Variants in GABRG1 observed in about 807,000 individuals in gnomAD.
GABRG1 encodes gamma-aminobutyric acid type A receptor subunit gamma1.
GABRG1 carries 49 observed loss-of-function variants against 49.8 expected under a neutral mutation model. That is an observed-to-expected ratio of 0.98 (90% CI 0.78 to 1.25). The LOEUF (loss-of-function observed/expected upper bound fraction) is 1.25, where lower values mean the gene tolerates loss of function less well. Ranked by LOEUF, GABRG1 falls within the 50% of genes most tolerant of loss-of-function variation. The pLI is 0.00. For synonymous variants in GABRG1, 232 were observed against 185.1 expected (o/e 1.25, Z -2.06); for missense variants, 552 against 552.3 (o/e 1.00, Z 0.01).
chr4:46,096,614 A>T (rs1361509436), intron 2 of GABRG1, among the ~76,000 whole-genome samples: 1 of 151,640 alleles, frequency 6.6e-6, no homozygotes, highest in African/African-American at 2.4e-5. Flanking sequence ...TGTTTTGAAG[A>T]CTGTGTTTTC....
At chr4:46,082,869 C>CT (rs1560363561) in intron 3 of GABRG1, among the ~76,000 whole-genome samples, 4 of 151,762 alleles carry the variant, frequency 2.6e-5, no homozygotes, top group African/African-American at 9.7e-5. Flanking sequence ...ACCATCTGGT[C>CT]CTCAGATCTG....
At chr4:46,063,975 T>C (rs1331850350) in intron 5 of GABRG1, among the ~76,000 whole-genome samples, 4 of 152,156 alleles carry the variant, frequency 2.6e-5, no homozygotes, top group Non-Finnish European at 5.9e-5. Context: ...TTGGTTTTTC[T>C]ACCTTATTAA....
At chr4:46,119,448 T>C (rs1043299258) in intron 1 of GABRG1, among the ~76,000 whole-genome samples, 17 of 151,532 alleles carry the variant, frequency 1.1e-4, no homozygotes, top group Non-Finnish European at 2.2e-4. Flanking sequence ...AGATGACCTT[T>C]AATAAGTTCA....
chr4:46,066,659 A>G (rs1237045560), intron 3 of GABRG1, among the ~76,000 whole-genome samples: 1 of 152,116 alleles, frequency 6.6e-6, no homozygotes, highest in Non-Finnish European at 1.5e-5. Context: ...CTTTGTCCAT[A>G]GTAACTGTAA....
chr4:46,105,309 A>G (rs1157271532), intron 1 of GABRG1, among the ~76,000 whole-genome samples: 1 of 151,490 alleles, frequency 6.6e-6, no homozygotes, highest in Non-Finnish European at 1.5e-5. Context: ...AAGAAAACGA[A>G]AAAACCAAAC....
intron 3 of GABRG1, among the ~76,000 whole-genome samples, chr4:46,083,114 T>G (rs1323219205): frequency 1.3e-5 from 2 of 151,722 alleles, no homozygotes; most frequent in Non-Finnish European, 2.9e-5. Flanking sequence ...TGATAATGAC[T>G]CTACCATCTT....
rs1307705015 is a variant in GABRG1, at chr4:46,064,465, A to C, written c.601T>G (p.Ser201Ala). The C allele has an allele frequency of 6.5e-7, 1 of 1,542,714 alleles. No individual in the cohort carries two copies. Residue 201 changes from serine to alanine, a missense_variant, in exon 5 of 9, where the codon TCC (serine) becomes GCC (alanine). Ser to Ala is a moderately conservative substitution (Grantham distance 99, BLOSUM62 1). Transcript: ENST00000295452. ...QLHNFPMDEH[S>A]CPLEFSSYGY... ...CAGCTTGAAAATTCCAGTGGACAGG[A>C]ATGTTCATCCATGGGAAAGTTATGA... is the stretch of plus-strand genomic sequence containing the variant.
At chr4:46,088,767 C>CA (rs1448380679) in intron 2 of GABRG1, among the ~76,000 whole-genome samples, 1 of 126,458 alleles carries the variant, frequency 7.9e-6, no homozygotes. Context: ...ACACACACAC[C>CA]CCATATATCT....
At chr4:46,107,407 G>T (rs962626063) in intron 1 of GABRG1, among the ~76,000 whole-genome samples, 6 of 150,900 alleles carry the variant, frequency 4.0e-5, no homozygotes, top group African/African-American at 1.5e-4. Flanking sequence ...ATATTTTAAT[G>T]CAGTCATTCT....
chr4:46,116,801 C>G (rs982624894), intron 1 of GABRG1, among the ~76,000 whole-genome samples: 2 of 150,764 alleles, frequency 1.3e-5, no homozygotes, highest in Middle Eastern at 3.2e-3. Context: ...TCATAAGCCA[C>G]CTGCAGAGGG....
At chr4:46,102,573 G>T (rs748607684) in intron 1 of GABRG1, among the ~76,000 whole-genome samples, 7 of 151,194 alleles carry the variant, frequency 4.6e-5, no homozygotes, top group Non-Finnish European at 8.9e-5. Flanking sequence ...CAAGTCTAAG[G>T]CCATCTTGAC....
intron 5 of GABRG1, among the ~76,000 whole-genome samples, chr4:46,063,200 C>G (rs1394513898): frequency 6.6e-6 from 1 of 152,024 alleles, no homozygotes; most frequent in Non-Finnish European, 1.5e-5. Flanking sequence ...AAAAAAAGCC[C>G]GCATTGCCAA....
chr4:46,110,513 G>C (rs898390262), intron 1 of GABRG1, among the ~76,000 whole-genome samples: 1 of 150,838 alleles, frequency 6.6e-6, no homozygotes, highest in Non-Finnish European at 1.5e-5. Flanking sequence ...TAAAAAGCCA[G>C]CACCACCCTA....
chr4:46,085,023 T>C (rs1372894779), intron 2 of GABRG1, among the ~76,000 whole-genome samples: 1 of 151,602 alleles, frequency 6.6e-6, no homozygotes, highest in African/African-American at 2.4e-5. Context: ...TGTAAGTACA[T>C]TTATTACCAC....
At chr4:46,104,264 G>A (rs968365500) in intron 1 of GABRG1, among the ~76,000 whole-genome samples, 2 of 151,446 alleles carry the variant, frequency 1.3e-5, no homozygotes, top group East Asian at 3.9e-4. Context: ...AGGAAGTTAT[G>A]AAGTATTTTA....
intron 7 of GABRG1, among the ~76,000 whole-genome samples, chr4:46,052,538 G>T (rs942383739): frequency 1.3e-5 from 2 of 151,942 alleles, no homozygotes; most frequent in East Asian, 3.9e-4. Flanking sequence ...TCCTGTATGT[G>T]TATCCTTGAA....
intron 1 of GABRG1, among the ~76,000 whole-genome samples, chr4:46,104,255 G>T (rs1245034110): frequency 6.6e-6 from 1 of 151,374 alleles, no homozygotes; most frequent in Non-Finnish European, 1.5e-5. Context: ...TGTAGTAAAA[G>T]GAAGTTATGA....
chr4:46,082,865 T>TCATTACACCATACACA (rs1213388625), intron 3 of GABRG1, among the ~76,000 whole-genome samples: 4 of 151,850 alleles, frequency 2.6e-5, no homozygotes, highest in African/African-American at 9.7e-5. Flanking sequence ...TTACACCATC[T>TCATTACACCATACACA]GGTCCTCAGA....
chr4:46,063,463 C>T (rs181820116), intron 5 of GABRG1, among the ~76,000 whole-genome samples: 2,198 of 152,170 alleles, frequency 0.014, 51 homozygotes, highest in African/African-American at 0.05. Flanking sequence ...ATAAATGGTG[C>T]TGGGAAAACT....
Sources: allele counts gnomAD v4.1 joint callset (sites outside exome capture counted in the v4.1 genomes callset), GRCh38; gene constraint gnomAD v4.1.1; transcripts MANE v1.5; gene names NCBI Gene and HGNC (gene_info 2026-07-23, HGNC 2026-07-21).